Variants in RASAL2 observed in about 807,000 individuals in gnomAD.
RASAL2 encodes the protein ras GTPase-activating protein nGAP.
A neutral mutation model predicts 128.9 loss-of-function variants in RASAL2; 58 were observed. That is an observed-to-expected ratio of 0.45 (90% CI 0.36 to 0.56). The LOEUF is 0.56. RASAL2 is among the 20% of genes least tolerant of loss of function. The pLI, the probability that RASAL2 is intolerant of heterozygous loss-of-function variation, is 0.00. For missense variants in RASAL2, 1,360 were observed against 1,601.6 expected, an observed-to-expected ratio of 0.85 and a Z score of 2.57; for synonymous variants, 561 against 580.8, an observed-to-expected ratio of 0.97 and a Z score of 0.49.
intron 3 of RASAL2, among the ~76,000 whole-genome samples, chr1:178,346,444 G>A (rs974136777): frequency 2.0e-5 from 3 of 151,400 alleles, no homozygotes; most frequent in Admixed American, 6.6e-5. Flanking sequence ...AAAAGAAATC[G>A]CTATATACAT....
At chr1:178,228,460 G>A (rs1261487381) in intron 1 of RASAL2, among the ~76,000 whole-genome samples, 5 of 152,154 alleles carry the variant, frequency 3.3e-5, no homozygotes, top group African/African-American at 1.2e-4. Flanking sequence ...GCGGGTGCCT[G>A]TAACCCCAGC....
chr1:178,476,743 T>C lies in RASAL2; in HGVS notation c.*3504T>C, dbSNP rs1031712121. 5.6e-4 allele frequency: 85 copies of C among 152,354 alleles called. No individual in the cohort carries two copies. Among genetic ancestry groups the C allele is most frequent in the African/African-American group, 2.0e-3 (83 of 41,576 alleles). The allele number at this position is 152,354 out of a possible 1,614,324, so 9.4% of individuals were successfully genotyped here. A position where few individuals can be genotyped will look rare whatever the true frequency, so the allele number is the denominator to read the frequency against. On this transcript the variant is annotated 3_prime_UTR_variant, in exon 18 of 18. Transcript: ENST00000367649. ...AAGTAAAGCTTTTCAGATCTTAGTC[T>C]ACCCGGGGCCTTTGTTGATGGGTCT... is the stretch of plus-strand genomic sequence containing the variant.
intron 2 of RASAL2, among the ~76,000 whole-genome samples, chr1:178,298,589 G>A (rs900539824): frequency 6.6e-6 from 1 of 152,104 alleles, no homozygotes. Context: ...GCCTATACCT[G>A]TCCTACTTTT....
At chr1:178,171,473 G>T (rs886436569) in intron 1 of RASAL2, among the ~76,000 whole-genome samples, 1 of 151,966 alleles carries the variant, frequency 6.6e-6, no homozygotes, top group South Asian at 2.1e-4. Flanking sequence ...TGAAGCCCTA[G>T]TAGTTAGTAG....
intron 1 of RASAL2, among the ~76,000 whole-genome samples, chr1:178,210,918 TG>T (rs1663231155): frequency 6.6e-6 from 1 of 152,194 alleles, no homozygotes; most frequent in African/African-American, 2.4e-5. Flanking sequence ...CTAGAAGACT[TG>T]AAGCTAGTCT....
At position 178,200,418 on chromosome 1, in the gene RASAL2, A is replaced by G. The variant is rs372673754; in HGVS notation, c.203-83146A>G. The stretch of plus-strand genomic sequence containing the variant: ...CAAAGAGTTTAGCAACTTTATACAT[A>G]ATACCTTTGACCATATATGGAGAAC... On this transcript the variant is annotated intron_variant, in intron 1 of 17. Transcript: ENST00000367649. 7.9e-5 allele frequency among the ~76,000 whole-genome samples: 12 copies of G among 152,320 alleles called. No homozygotes were observed. The South Asian group carries it at 2.5e-3, about 32-fold the overall frequency.
intron 3 of RASAL2, among the ~76,000 whole-genome samples, chr1:178,322,431 C>T (rs567389014): frequency 1.3e-5 from 2 of 152,226 alleles, no homozygotes; most frequent in African/African-American, 4.8e-5. Flanking sequence ...TTGGCTTCCT[C>T]GTCTCTTCTC....
intron 1 of RASAL2, among the ~76,000 whole-genome samples, chr1:178,114,063 T>G (rs951737474): frequency 2.3e-5 from 3 of 128,032 alleles, no homozygotes; most frequent in Admixed American, 8.4e-5. Flanking sequence ...ATTTCTAGTG[T>G]TTTTTTTTGT....
At chr1:178,441,917 A>G (rs1207164860) in intron 7 of RASAL2, among the ~76,000 whole-genome samples, 1 of 152,114 alleles carries the variant, frequency 6.6e-6, no homozygotes, top group Non-Finnish European at 1.5e-5. Context: ...AGCCTCTAGT[A>G]AGGCCTCAGG....
chr1:178,387,817 A>G (rs76526659), intron 3 of RASAL2, among the ~76,000 whole-genome samples: 79 of 152,338 alleles, frequency 5.2e-4, no homozygotes, highest in Admixed American at 6.5e-4. Context: ...TAACAATACC[A>G]TATTTATTGG....
intron 1 of RASAL2, among the ~76,000 whole-genome samples, chr1:178,258,400 A>T (rs1665489530): frequency 6.6e-6 from 1 of 152,174 alleles, no homozygotes. Flanking sequence ...TAACATATAA[A>T]AACTCTTACA....
At chr1:178,381,443 C>T (rs571837950) in intron 3 of RASAL2, among the ~76,000 whole-genome samples, 2 of 152,282 alleles carry the variant, frequency 1.3e-5, no homozygotes, top group African/African-American at 4.8e-5. Context: ...GGCAAATCAA[C>T]ATCATAGGCT....
intron 4 of RASAL2, among the ~76,000 whole-genome samples, chr1:178,396,129 T>C (rs1198038889): frequency 1.3e-5 from 2 of 152,122 alleles, no homozygotes; most frequent in African/African-American, 4.8e-5. Context: ...TAGGAAATAC[T>C]ACCAAGACTC....
At chr1:178,389,359 T>TGC in intron 3 of RASAL2, 1 of 622,562 alleles carries the variant, frequency 1.6e-6, no homozygotes, top group Non-Finnish European at 2.0e-6. Flanking sequence ...TGCATATATA[T>TGC]ATACACATGT....
intron 3 of RASAL2, among the ~76,000 whole-genome samples, chr1:178,334,698 A>G (rs1383094583): frequency 6.6e-6 from 1 of 152,218 alleles, no homozygotes; most frequent in Non-Finnish European, 1.5e-5. Flanking sequence ...TTAAAAAATA[A>G]TCTTTCTAAA....
chr1:178,446,170 C>T (rs142000763), intron 9 of RASAL2, among the ~76,000 whole-genome samples: 7 of 152,290 alleles, frequency 4.6e-5, no homozygotes, highest in South Asian at 4.2e-4. Flanking sequence ...GACTAGGCTA[C>T]GCACTTGCAG....
At chr1:178,415,844 A>T (rs1295306493) in intron 4 of RASAL2, among the ~76,000 whole-genome samples, 1 of 152,094 alleles carries the variant, frequency 6.6e-6, no homozygotes, top group East Asian at 1.9e-4. Context: ...TCTTGCTGTA[A>T]TATCTGCTCT....
intron 1 of RASAL2, among the ~76,000 whole-genome samples, chr1:178,281,179 A>T (rs1344639656): frequency 6.6e-6 from 1 of 152,012 alleles, no homozygotes; most frequent in Non-Finnish European, 1.5e-5. Flanking sequence ...TGGGCATTAG[A>T]AAAAGAAGCT....
chr1:178,420,604 C>T lies in RASAL2; in HGVS notation c.658C>T (p.Arg220Cys), dbSNP rs1325202164. Residue 220 changes from arginine (R) to cysteine (C), a missense_variant, in exon 5 of 18, where the codon CGC becomes TGC. Transcript: ENST00000367649. ...RNTSFRLPSL[R>C]STDDRSRGLP... The stretch of plus-strand genomic sequence containing the variant: ...CACGAGCTTTCGGCTTCCATCCCTT[C>T]GCAGTACAGATGACAGGTAGGAAGT... 6 of 1,608,020 alleles carry T rather than the reference C, an allele frequency of 3.7e-6. No individual in the cohort carries two copies. Among genetic ancestry groups the T allele is most frequent in the Admixed American group, 1.7e-5 (1 of 59,538 alleles).
Sources: allele counts gnomAD v4.1 joint callset (sites outside exome capture counted in the v4.1 genomes callset), GRCh38; gene constraint gnomAD v4.1.1; transcripts MANE v1.5; gene names NCBI Gene and HGNC (gene_info 2026-07-23, HGNC 2026-07-21).